The following CTDSPL variants were observed in gnomAD, a reference collection of about 807,000 sequenced individuals.
The protein encoded by CTDSPL is CTD small phosphatase-like protein.
In CTDSPL, 8 loss-of-function variants were observed where a neutral mutation model predicts 30.5. That is an observed-to-expected ratio of 0.26 (90% CI 0.15 to 0.47). The LOEUF (loss-of-function observed/expected upper bound fraction) is 0.47. Among genes scored for constraint, CTDSPL ranks in the 20% least tolerant of loss-of-function variants. The pLI is 0.99. For synonymous variants in CTDSPL, 110 were observed against 137.9 expected (o/e 0.80, Z 1.42); for missense variants, 248 against 366.1 (o/e 0.68, Z 2.63).
chr3:37,907,305 A>C (rs1698529796), intron 1 of CTDSPL, among the ~76,000 whole-genome samples: 1 of 152,174 alleles, frequency 6.6e-6, no homozygotes, highest in African/African-American at 2.4e-5. Context: ...CTAAGGGAGG[A>C]GAATGAAGGA....
intron 2 of CTDSPL, among the ~76,000 whole-genome samples, chr3:37,953,521 A>T (rs1217633796): frequency 6.6e-6 from 1 of 152,248 alleles, no homozygotes; most frequent in East Asian, 1.9e-4. Context: ...CAATTACAGT[A>T]GGTGACAGTT....
chr3:37,981,662 T>C lies in CTDSPL; in HGVS notation c.*795T>C, dbSNP rs1699493880. ...ACAAGTTTGTCTTGAGGTCACATTTTCTCCTTGAAAAGTGACATCCTGTCA... is the reference window on the plus strand; with the variant it reads ...ACAAGTTTGTCTTGAGGTCACATTTCCTCCTTGAAAAGTGACATCCTGTCA... On this transcript the variant is annotated 3_prime_UTR_variant, in exon 8 of 8. Transcript: ENST00000273179. 1 of 330,750 alleles carries C rather than the reference T, an allele frequency of 3.0e-6. No homozygotes were observed. Among genetic ancestry groups the C allele is most frequent in the African/African-American group, 2.2e-5 (1 of 46,246 alleles). 20.5% of individuals were successfully genotyped at this position (330,750 alleles called of 1,614,324 possible).
intron 1 of CTDSPL, among the ~76,000 whole-genome samples, chr3:37,881,790 G>T (rs1184233182): frequency 1.3e-5 from 2 of 152,106 alleles, no homozygotes; most frequent in Non-Finnish European, 2.9e-5. Flanking sequence ...AAATGTTTAC[G>T]CATGGTGAAT....
At position 37,922,342 on chromosome 3, in the gene CTDSPL, A is replaced by G. The variant is rs547263060; in HGVS notation, c.80-24715A>G. On this transcript the variant is annotated intron_variant, in intron 1 of 7. Coordinates refer to ENST00000273179, the MANE Select transcript of CTDSPL (RefSeq NM_001008392.2). Reference sequence around the variant, plus strand: ...GGACTCCTGAATGCTGTCCTCAAACAGAAGGCTTGCAGTGCTGTGGAGTAT... The same window carrying G: ...GGACTCCTGAATGCTGTCCTCAAACGGAAGGCTTGCAGTGCTGTGGAGTAT... 2.3e-4 allele frequency among the ~76,000 whole-genome samples: 35 copies of G among 152,278 alleles called. 1 individual carries two copies. In the South Asian group the frequency reaches 4.6e-3, roughly 20 times the overall value.
At chr3:37,954,954 C>A (rs1213887644) in intron 2 of CTDSPL, 1 of 152,246 alleles carries the variant, frequency 6.6e-6, no homozygotes, top group Non-Finnish European at 1.5e-5. Flanking sequence ...CCTTCTAGAT[C>A]AGCACCTTTG....
At chr3:37,960,288 C>G (rs963763384) in intron 3 of CTDSPL, among the ~76,000 whole-genome samples, 10 of 151,590 alleles carry the variant, frequency 6.6e-5, no homozygotes, top group East Asian at 1.9e-4. Flanking sequence ...CAAGACCAGC[C>G]TGACCAACTT....
intron 1 of CTDSPL, among the ~76,000 whole-genome samples, chr3:37,884,081 A>T (rs1178115360): frequency 6.6e-6 from 1 of 152,232 alleles, no homozygotes; most frequent in African/African-American, 2.4e-5. Flanking sequence ...AAATGTTAGT[A>T]TATTTCATCC....
chr3:37,921,284 C>G (rs753812343), intron 1 of CTDSPL, among the ~76,000 whole-genome samples: 28 of 152,230 alleles, frequency 1.8e-4, no homozygotes, highest in African/African-American at 4.6e-4. Context: ...GATCTTTCCA[C>G]TGCCCCATCT....
chr3:37,923,188 A>T (rs1456238554), intron 1 of CTDSPL, among the ~76,000 whole-genome samples: 2 of 152,218 alleles, frequency 1.3e-5, no homozygotes, highest in Admixed American at 1.3e-4. Context: ...ACTGCTGAGC[A>T]TATGGGGAGA....
chr3:37,973,131 C>T (rs557691756), intron 6 of CTDSPL, among the ~76,000 whole-genome samples: 17 of 152,318 alleles, frequency 1.1e-4, no homozygotes, highest in African/African-American at 3.4e-4. Context: ...TCAAAATCCT[C>T]GTCCTTATTT....
chr3:37,914,873 C>CTTTTTTTTTTTT (rs11304152), intron 1 of CTDSPL, among the ~76,000 whole-genome samples: 3 of 51,284 alleles, frequency 5.8e-5, no homozygotes, highest in African/African-American at 1.4e-4. Flanking sequence ...TATATATGTT[C>CTTTTTTTTTTTT]TTTTTTTTTT....
chr3:37,900,218 A>T (rs1698433863), intron 1 of CTDSPL, among the ~76,000 whole-genome samples: 1 of 152,194 alleles, frequency 6.6e-6, no homozygotes, highest in East Asian at 1.9e-4. Context: ...ATGGAGCTGG[A>T]GATAGTGTAG....
At chr3:37,891,428 C>T (rs577385443) in intron 1 of CTDSPL, among the ~76,000 whole-genome samples, 14 of 152,320 alleles carry the variant, frequency 9.2e-5, no homozygotes, top group South Asian at 8.3e-4. Context: ...TCTACTCCTA[C>T]GCACAGGTGT....
chr3:37,958,711 T>C (rs1699202968), intron 3 of CTDSPL, among the ~76,000 whole-genome samples: 1 of 152,206 alleles, frequency 6.6e-6, no homozygotes, highest in African/African-American at 2.4e-5. Context: ...GATAGATCAA[T>C]AAACTGCTGA....
In CTDSPL at chr3:37,923,189, T is replaced by C. The variant is rs569486470; in HGVS notation, c.80-23868T>C. ...CGTGGGACAGGATGACTGCTGAGCA[T>C]ATGGGGAGAAGAGCCTGGGCCTGGC... On this transcript the variant is annotated intron_variant, in intron 1 of 7. Coordinates refer to ENST00000273179, the MANE Select transcript of CTDSPL (RefSeq NM_001008392.2). Among the ~76,000 whole-genome samples, 5 of 152,102 alleles carry C rather than the reference T, an allele frequency of 3.3e-5. No individual in the cohort carries two copies. The South Asian group carries it at 6.2e-4, about 19-fold the overall frequency.
chr3:37,970,442 C>G (rs1029355506), intron 5 of CTDSPL, among the ~76,000 whole-genome samples: 6 of 152,336 alleles, frequency 3.9e-5, no homozygotes, highest in Middle Eastern at 3.4e-3. Flanking sequence ...AGAGCTGAGG[C>G]TCAGTAAACA....
intron 1 of CTDSPL, among the ~76,000 whole-genome samples, chr3:37,872,971 T>G (rs1698093578): frequency 6.6e-6 from 1 of 152,186 alleles, no homozygotes; most frequent in South Asian, 2.1e-4. Context: ...TACCACTGGC[T>G]GTGAGTGAAA....
At chr3:37,889,719 C>A (rs570069099) in intron 1 of CTDSPL, among the ~76,000 whole-genome samples, 16 of 152,188 alleles carry the variant, frequency 1.1e-4, no homozygotes, top group African/African-American at 3.6e-4. Context: ...AATCGACATC[C>A]CAAATGCCAG....
chr3:37,921,330 A>T (rs1048012111), intron 1 of CTDSPL, among the ~76,000 whole-genome samples: 2 of 152,152 alleles, frequency 1.3e-5, no homozygotes, highest in Non-Finnish European at 2.9e-5. Flanking sequence ...GCTGGCCTTC[A>T]CAGCAGCGGC....
Sources: allele counts gnomAD v4.1 joint callset (sites outside exome capture counted in the v4.1 genomes callset), GRCh38; gene constraint gnomAD v4.1.1; transcripts MANE v1.5; gene names NCBI Gene and HGNC (gene_info 2026-07-23, HGNC 2026-07-21).